Variants in ZC3H13 observed in about 807,000 individuals in gnomAD.
The protein encoded by ZC3H13 is zinc finger CCCH-type containing 13, also known as zinc finger CCCH domain-containing protein 13.
ZC3H13 carries 64 observed loss-of-function variants against 204.1 expected under a neutral mutation model. The observed-to-expected ratio is 0.31, with a 90% CI of 0.26 to 0.39. The LOEUF is 0.39. Ranked by LOEUF, ZC3H13 falls within the 10% of genes least tolerant of loss-of-function variation. The pLI is 1.00. For synonymous variants in ZC3H13, 667 were observed against 693.7 expected (o/e 0.96, Z 0.60); for missense variants, 1,833 against 2,082.7 (o/e 0.88, Z 2.33).
At position 46,036,150 on chromosome 13, in the gene ZC3H13, GAA is replaced by G. The variant is rs5803325; in HGVS notation, c.339+6012_339+6013del. Among the ~76,000 whole-genome samples the G allele has an allele frequency of 6.4e-3, 895 of 138,894 alleles. 11 individuals are homozygous for G. The highest frequency in any genetic ancestry group is 0.019 in the African/African-American group (725 of 37,970). The allele number at this position is 138,894 out of a possible 152,430, so 91.1% of individuals were successfully genotyped here. A position where few individuals can be genotyped will look rare whatever the true frequency, so the allele number is the denominator to read the frequency against. ...GAGGGAGAGCAAGACTCCGTGTCAA[GAA>G]AAAAAAAAAAAAAGAACAAGATAGG... On this transcript the variant is annotated intron_variant, in intron 4 of 18. Coordinates refer to ENST00000679008, the MANE Select transcript of ZC3H13 (RefSeq NM_001330564.2).
Position 45,955,671 on chromosome 13 carries a change from C to T in ZC3H13, c.*1456G>A, listed in dbSNP as rs1350651502. ...AGGGTATTCATTCTCTGAGGTCATA[C>T]ATTTTTTTTTTCTTTATTCAAAACA... is the stretch of plus-strand genomic sequence containing the variant. On this transcript the variant is annotated 3_prime_UTR_variant, in exon 19 of 19. Transcript: ENST00000679008. 1 of 151,834 alleles carries T rather than the reference C, an allele frequency of 6.6e-6. No homozygotes were observed. Among genetic ancestry groups the T allele is most frequent in the Non-Finnish European group, 1.5e-5 (1 of 67,914 alleles). The allele number at this position is 151,834 out of a possible 1,614,324, so 9.4% of individuals were successfully genotyped here.
chr13:45,985,710 T>C lies in ZC3H13; in HGVS notation c.1307A>G (p.Tyr436Cys), dbSNP rs1954122093. 1 of 1,613,646 alleles carries C rather than the reference T, an allele frequency of 6.2e-7. No individual in the cohort carries two copies. The highest frequency in any genetic ancestry group is 1.3e-5 in the African/African-American group (1 of 74,872). Residue 436 changes from tyrosine (Y) to cysteine (C), a missense_variant, in exon 10 of 19, where the codon TAT (tyrosine) becomes TGT (cysteine). By Grantham distance (194) the Tyr-to-Cys change is radical. Around this residue, in one of 5 missense-constraint regions of ZC3H13, gnomAD observed 1,574 missense variants for 1,757.2 expected, o/e 0.90. Coordinates refer to ENST00000679008, the MANE Select transcript of ZC3H13 (RefSeq NM_001330564.2). ...REKDSREERE[Y>C]EQDQSSSRDH... ...TCTAGAAGAGCTCTGATCCTGTTCA[T>C]ATTCTCGTTCTTCTCTTGAGTCCTT...
In ZC3H13 at chr13:46,052,726, G is replaced by A. The variant is rs2044576415; in HGVS notation, c.-332C>T. ...GCCGCTAGGAGGACCGCCTCAAAAT[G>A]CCGCCGGAAGTCAGAGGTTTGCCCT... On this transcript the variant is annotated 5_prime_UTR_variant, in exon 1 of 19. Transcript: ENST00000679008. The A allele has an allele frequency of 2.5e-6, 1 of 397,776 alleles. No homozygotes were observed. Among genetic ancestry groups the A allele is most frequent in the Non-Finnish European group, 4.4e-6 (1 of 225,708 alleles). 24.6% of individuals were successfully genotyped at this position (397,776 alleles called of 1,614,324 possible).
rs1381488452 is a variant in ZC3H13, at chr13:45,970,377, T to C, written c.2557A>G (p.Ser853Gly). 6.2e-7 allele frequency: 1 copy of C among 1,613,872 alleles called. No individual in the cohort carries two copies. Among genetic ancestry groups the C allele is most frequent in the Non-Finnish European group, 8.5e-7 (1 of 1,179,804 alleles). Residue 853 changes from serine (S) to glycine (G), a missense_variant, in exon 13 of 19, where the codon AGT (serine) becomes GGT (glycine). Ser to Gly is a moderately conservative substitution (Grantham distance 56). Coordinates refer to ENST00000679008, the MANE Select transcript of ZC3H13 (RefSeq NM_001330564.2). ...GTCTGCTTACTTTTATCATCTCCACTGTTGTAGGCATCACTGTCCGGAGAA... is the reference window on the plus strand; with the variant it reads ...GTCTGCTTACTTTTATCATCTCCACCGTTGTAGGCATCACTGTCCGGAGAA... ...EHSPDSDAYN[S>G]GDDKNEKHRL...
chr13:45,977,432 T>C (rs532990358), intron 11 of ZC3H13, among the ~76,000 whole-genome samples: 4 of 152,300 alleles, frequency 2.6e-5, no homozygotes, highest in East Asian at 1.9e-4. Flanking sequence ...AAAATATCAA[T>C]GCTACTTTCT....
At chr13:46,048,790 C>T (rs1034302887) in intron 1 of ZC3H13, among the ~76,000 whole-genome samples, 4 of 151,876 alleles carry the variant, frequency 2.6e-5, no homozygotes, top group Non-Finnish European at 4.4e-5. Flanking sequence ...ATTTCACTTG[C>T]AGCTACTACT....
intron 17 of ZC3H13, chr13:45,962,622 T>C (rs1327463499): frequency 1.0e-6 from 1 of 983,660 alleles, no homozygotes; most frequent in East Asian, 1.1e-4. Context: ...ACTCTAGGTT[T>C]ATTGGGCTAT....
chr13:45,986,055 C>A, intron 9 of ZC3H13, among the ~76,000 whole-genome samples: 1 of 152,300 alleles, frequency 6.6e-6, no homozygotes, highest in East Asian at 1.9e-4. Flanking sequence ...CTATCATTGA[C>A]GGCTTACTTT....
intron 4 of ZC3H13, among the ~76,000 whole-genome samples, chr13:46,041,153 G>C (rs1307070288): frequency 6.6e-6 from 1 of 152,032 alleles, no homozygotes; most frequent in Non-Finnish European, 1.5e-5. Flanking sequence ...TTATACACAG[G>C]AGTCAAAAAG....
At chr13:45,990,810 G>A (rs189313875) in intron 8 of ZC3H13, among the ~76,000 whole-genome samples, 4 of 152,026 alleles carry the variant, frequency 2.6e-5, no homozygotes, top group African/African-American at 7.2e-5. Flanking sequence ...TAAATTTTTG[G>A]GGGGATGGGC....
chr13:46,002,521 C>T (rs2040824037), intron 8 of ZC3H13, among the ~76,000 whole-genome samples: 1 of 152,166 alleles, frequency 6.6e-6, no homozygotes, highest in Non-Finnish European at 1.5e-5. Flanking sequence ...AGAACCCAAA[C>T]ACCCATCAAA....
intron 17 of ZC3H13, chr13:45,963,506 C>T: frequency 1.3e-5 from 14 of 1,057,134 alleles, no homozygotes; most frequent in Non-Finnish European, 1.6e-5. Flanking sequence ...ACTGCAGCCT[C>T]AATTTCCTGG....
At chr13:45,983,719 G>A (rs568985351) in intron 10 of ZC3H13, among the ~76,000 whole-genome samples, 22 of 151,914 alleles carry the variant, frequency 1.4e-4, no homozygotes, top group African/African-American at 4.6e-4. Context: ...GAGCCACCGC[G>A]CCCGGCCCCT....
chr13:46,032,392 G>T (rs1211715265), intron 4 of ZC3H13, among the ~76,000 whole-genome samples: 2 of 147,834 alleles, frequency 1.4e-5, no homozygotes, highest in Non-Finnish European at 3.0e-5. Context: ...GAGAAAATGG[G>T]CAGGGGATAC....
chr13:46,051,810 CTAAA>C (rs1249343242), intron 1 of ZC3H13: 3 of 152,146 alleles, frequency 2.0e-5, no homozygotes, highest in East Asian at 1.9e-4. Flanking sequence ...ATTATCAACT[CTAAA>C]TAATTTTCAA....
At chr13:46,000,129 A>AT (rs1371838265) in intron 8 of ZC3H13, among the ~76,000 whole-genome samples, 1 of 151,992 alleles carries the variant, frequency 6.6e-6, no homozygotes, top group African/African-American at 2.4e-5. Context: ...AAATCCTAGG[A>AT]TTTTCAGGAT....
chr13:46,006,391 TCA>T lies in ZC3H13; in HGVS notation c.747-3057_747-3056del, dbSNP rs538593999. 5.3e-4 allele frequency among the ~76,000 whole-genome samples: 81 copies of T among 152,088 alleles called. No individual in the cohort carries two copies. In the South Asian group the frequency reaches 5.4e-3, roughly 10 times the overall value. ...TAAAATAAAATAAAAATATAGTTGT[TCA>T]CAGTTTTTTTCCCATAATCAACTGC... On this transcript the variant is annotated intron_variant, in intron 7 of 18. Transcript: ENST00000679008.
At chr13:46,009,132 C>A (rs937143160) in intron 7 of ZC3H13, among the ~76,000 whole-genome samples, 2 of 151,920 alleles carry the variant, frequency 1.3e-5, no homozygotes, top group African/African-American at 4.8e-5. Context: ...AACTTATGTT[C>A]CATAAAGAGA....
rs1160087402 is a variant in ZC3H13, at chr13:45,964,016, A to G, written c.4501T>C (p.Trp1501Arg). The G allele has an allele frequency of 6.2e-7, 1 of 1,613,772 alleles. No homozygotes were observed. Among genetic ancestry groups the G allele is most frequent in the Non-Finnish European group, 8.5e-7 (1 of 1,179,942 alleles). ...GGATGCTTTGGCATAAGACCAGACC[A>G]ATCCACATCTATCACATCTAAGGGA... ...PDPLDVIDVD[W>R]SGLMPKHPKE... The change falls in exon 17 of 19, where the codon TGG becomes CGG. Residue 1501 changes from tryptophan (W) to arginine (R), a missense_variant. Coordinates refer to ENST00000679008, the MANE Select transcript of ZC3H13 (RefSeq NM_001330564.2).
Sources: allele counts gnomAD v4.1 joint callset (sites outside exome capture counted in the v4.1 genomes callset), GRCh38; gene constraint gnomAD v4.1.1; regional missense constraint gnomAD v4.1.1; transcripts MANE v1.5; gene names NCBI Gene and HGNC (gene_info 2026-07-23, HGNC 2026-07-21).